FAM53A: variants seen among roughly 807,000 people sequenced by gnomAD.
FAM53A encodes protein FAM53A.
Under a neutral mutation model 26.6 loss-of-function variants are expected in FAM53A, and 28 were observed. The observed-to-expected ratio is 1.05, with a 90% CI of 0.78 to 1.45. The LOEUF (loss-of-function observed/expected upper bound fraction) is 1.45. Among genes scored for constraint, FAM53A ranks in the 40% most tolerant of loss-of-function variants. The pLI is 0.00. For missense variants in FAM53A, 650 were observed against 575.8 expected (o/e 1.13, Z -1.32); for synonymous variants, 290 against 253.1 (o/e 1.15, Z -1.38).
intron 4 of FAM53A, among the ~76,000 whole-genome samples, chr4:1,643,393 G>A (rs1474291067): frequency 6.6e-6 from 1 of 151,888 alleles, no homozygotes; most frequent in Non-Finnish European, 1.5e-5. Flanking sequence ...GTGAACCCGG[G>A]AGGCGGAGCT....
intron 1 of FAM53A, among the ~76,000 whole-genome samples, chr4:1,680,296 G>A (rs553514645): frequency 3.3e-5 from 4 of 119,904 alleles, no homozygotes; most frequent in East Asian, 6.1e-4. Context: ...TCCAGCCTGG[G>A]CAACGAGAGT....
At chr4:1,602,383 T>C in the FAM53A span, among the ~76,000 whole-genome samples, 749 of 152,228 alleles carry the variant, frequency 4.9e-3, 7 homozygotes, top group African/African-American at 0.017. Flanking sequence ...GCCAGGAAGG[T>C]GGCGACAGGC....
chr4:1,643,862 C>A (rs1049549480), intron 4 of FAM53A, among the ~76,000 whole-genome samples: 5 of 152,188 alleles, frequency 3.3e-5, no homozygotes, highest in Non-Finnish European at 2.9e-5. Context: ...CCACCACGCC[C>A]AGCCCCACTC....
At chr4:1,592,093 T>C in the FAM53A span, among the ~76,000 whole-genome samples, 2 of 152,144 alleles carry the variant, frequency 1.3e-5, no homozygotes, top group African/African-American at 4.8e-5. Context: ...ATCGTTTCTA[T>C]TTGTTCTGTG....
At chr4:1,654,943 G>A (rs201033679) in intron 4 of FAM53A, 35 bp downstream of exon 4, 18 of 1,492,932 alleles carry the variant, frequency 1.2e-5, no homozygotes, top group Admixed American at 1.1e-4. Context: ...CCAGATCTAC[G>A]CCCCTCTGAG....
At chr4:1,593,122 G>A in the FAM53A span, among the ~76,000 whole-genome samples, 2 of 152,192 alleles carry the variant, frequency 1.3e-5, no homozygotes, top group Non-Finnish European at 2.9e-5. Context: ...GTCCTGTGCG[G>A]GAGCCGGTGG....
intron 1 of FAM53A, among the ~76,000 whole-genome samples, chr4:1,682,782 T>C (rs1715542226): frequency 1.3e-5 from 2 of 151,660 alleles, no homozygotes; most frequent in Non-Finnish European, 2.9e-5. Context: ...TAGAAATGCA[T>C]GCACTAAAAA....
chr4:1,580,278 A>G, the FAM53A span: 1 of 152,202 alleles, frequency 6.6e-6, no homozygotes, highest in East Asian at 1.9e-4. Context: ...GAGGCCAGGC[A>G]GCCTCGCCCC....
the FAM53A span, among the ~76,000 whole-genome samples, chr4:1,588,469 C>G: frequency 6.6e-6 from 1 of 152,136 alleles, no homozygotes; most frequent in Non-Finnish European, 1.5e-5. Flanking sequence ...CCTGTGGTGC[C>G]CTCCTTACTT....
At chr4:1,649,085 C>A (rs756244109) in intron 4 of FAM53A, among the ~76,000 whole-genome samples, 2 of 141,664 alleles carry the variant, frequency 1.4e-5, no homozygotes, top group African/African-American at 2.7e-5. Context: ...TGCAGTCCAG[C>A]GTGGGCAACA....
At chr4:1,611,154 G>A in the FAM53A span, among the ~76,000 whole-genome samples, 3 of 152,348 alleles carry the variant, frequency 2.0e-5, no homozygotes, top group East Asian at 3.9e-4. Context: ...CCGGCTCACA[G>A]GAAGCAGGGG....
In FAM53A at chr4:1,655,560, G is replaced by A. The variant is rs1429832473; in HGVS notation, c.300C>T (p.Ala100=). ...SPRPGAGLGA[A]STVDPSESTG... is the part of the protein sequence containing the mutation. ...TGCTTTCACTGGGGTCCACGGTGCT[G>A]GCTGCACCCAGGCCTGCGCCTGGGC... The change falls in exon 4 of 5, where the codon GCC becomes GCT. Residue 100 remains alanine, a synonymous_variant. Transcript: ENST00000308132. 2 of 1,576,794 alleles carry A rather than the reference G, an allele frequency of 1.3e-6. No individual in the cohort carries two copies. Among genetic ancestry groups the A allele is most frequent in the Non-Finnish European group, 1.7e-6 (2 of 1,160,914 alleles).
chr4:1,670,943 A>G (rs1577147703), intron 1 of FAM53A, among the ~76,000 whole-genome samples: 1 of 147,930 alleles, frequency 6.8e-6, no homozygotes, highest in Admixed American at 6.8e-5. Context: ...CCTCTGTCCC[A>G]GCGTCAGAGC....
intron 1 of FAM53A, among the ~76,000 whole-genome samples, chr4:1,621,845 A>G (rs533639312): frequency 2.0e-5 from 3 of 152,182 alleles, no homozygotes; most frequent in East Asian, 3.9e-4. Context: ...CTCCCCACCC[A>G]CTGTGGGGTG....
chr4:1,604,415 A>T, the FAM53A span, among the ~76,000 whole-genome samples: 1 of 152,106 alleles, frequency 6.6e-6, no homozygotes, highest in South Asian at 2.1e-4. Flanking sequence ...TGGACCCTGG[A>T]CAGGAACGTG....
chr4:1,620,699 A>C (rs1204708509), intron 1 of FAM53A, among the ~76,000 whole-genome samples: 2 of 150,486 alleles, frequency 1.3e-5, no homozygotes, highest in Admixed American at 6.6e-5. Flanking sequence ...GAAAGAAAAA[A>C]CACCACCACC....
At chr4:1,581,155 C>T in the FAM53A span, among the ~76,000 whole-genome samples, 1 of 4,270 alleles carries the variant, frequency 2.3e-4, no homozygotes, top group Non-Finnish European at 4.6e-4. Flanking sequence ...CGCCTCCCAC[C>T]CAGGCCCCCC....
At chr4:1,668,624 CG>C in intron 2 of FAM53A, 42 bp downstream of exon 2, 1 of 1,610,094 alleles carries the variant, frequency 6.2e-7, no homozygotes, top group Non-Finnish European at 8.5e-7. Context: ...TGTGACAGCA[CG>C]GGGGAGGGGC....
rs1423585045 is a variant in FAM53A at position 1,655,612 on chromosome 4, C to A, written c.248G>T (p.Gly83Val). 6.3e-7 allele frequency: 1 copy of A among 1,595,958 alleles called. No homozygotes were observed. The highest frequency in any genetic ancestry group is 8.5e-7 in the Non-Finnish European group (1 of 1,171,436). ...PGLSAAAHTMGLQWQPQSPRP... is the reference protein window; with the variant it reads ...PGLSAAAHTMVLQWQPQSPRP... ...CGGGGACTGTGGCTGCCACTGAAGA[C>A]CCATGGTGTGAGCGGCAGCAGACAG... The change falls in exon 4 of 5, where the codon GGT becomes GTT. Residue 83 changes from glycine to valine, a missense_variant. Physicochemically the swap from Gly to Val is moderately radical, Grantham distance 109. Coordinates refer to ENST00000308132, the MANE Select transcript of FAM53A (RefSeq NM_001174070.3).
Sources: allele counts gnomAD v4.1 joint callset (sites outside exome capture counted in the v4.1 genomes callset), GRCh38; gene constraint gnomAD v4.1.1; transcripts MANE v1.5; gene names NCBI Gene and HGNC (gene_info 2026-07-23, HGNC 2026-07-21).